The following COL25A1 variants were observed in gnomAD, a reference collection of about 807,000 sequenced individuals.
COL25A1 encodes the protein collagen alpha-1(XXV) chain.
In COL25A1, 103 loss-of-function variants were observed where a neutral mutation model predicts 128.4. The ratio of observed to expected loss-of-function variants is 0.80; its 90% CI spans 0.68 to 0.94. The LOEUF (loss-of-function observed/expected upper bound fraction) is 0.94, where lower values mean the gene tolerates loss of function less well. COL25A1 is among the 40% of genes least tolerant of loss of function. The pLI is 0.00. For missense variants in COL25A1, 745 were observed against 840.0 expected (o/e 0.89, Z 1.40); for synonymous variants, 279 against 277.2 (o/e 1.01, Z -0.06).
intron 16 of COL25A1, among the ~76,000 whole-genome samples, chr4:108,893,002 T>C (rs1254165874): frequency 6.6e-6 from 1 of 152,020 alleles, no homozygotes; most frequent in African/African-American, 2.4e-5. Context: ...CCAATTAGGG[T>C]GGGATAGGCC....
intron 5 of COL25A1, among the ~76,000 whole-genome samples, chr4:109,038,131 T>A (rs1003974123): frequency 1.3e-5 from 2 of 152,196 alleles, no homozygotes; most frequent in African/African-American, 4.8e-5. Flanking sequence ...GTTAATGTGA[T>A]GTGTCAACTT....
intron 6 of COL25A1, among the ~76,000 whole-genome samples, chr4:108,985,394 C>G (rs1009183809): frequency 1.3e-5 from 2 of 152,188 alleles, no homozygotes; most frequent in Non-Finnish European, 2.9e-5. Context: ...GCCCATTACT[C>G]CCTCATTTTA....
chr4:109,231,421 G>T (rs1227345201), intron 3 of COL25A1, among the ~76,000 whole-genome samples: 1 of 152,112 alleles, frequency 6.6e-6, no homozygotes, highest in Non-Finnish European at 1.5e-5. Context: ...GTGACCACCA[G>T]CTCAGTTTAC....
At chr4:109,041,364 C>CA (rs1759876185) in intron 5 of COL25A1, among the ~76,000 whole-genome samples, 3 of 127,236 alleles carry the variant, frequency 2.4e-5, no homozygotes, top group Non-Finnish European at 4.9e-5. Context: ...TTATGTCACC[C>CA]CCTTTTTTAA....
rs181067493 is a variant in COL25A1, at chr4:109,014,533, T to C, written c.421-4158A>G. On this transcript the variant is annotated intron_variant, in intron 5 of 37. Coordinates refer to ENST00000399132, the MANE Select transcript of COL25A1 (RefSeq NM_198721.4). ...TTAATACGTCGCATTCCTGCCATTA[T>C]ACTGACCAAATGATATGGCACAATG... is the stretch of plus-strand genomic sequence containing the variant. 2.0e-5 allele frequency among the ~76,000 whole-genome samples: 3 copies of C among 152,382 alleles called. No individual in the cohort carries two copies. In the East Asian group the frequency reaches 5.8e-4, roughly 29 times the overall value.
intron 3 of COL25A1, among the ~76,000 whole-genome samples, chr4:109,096,434 G>A (rs1765404527): frequency 6.6e-6 from 1 of 152,132 alleles, no homozygotes; most frequent in African/African-American, 2.4e-5. Flanking sequence ...ACCTACCACT[G>A]TGTTACAATT....
At chr4:108,947,461 AAAAG>A (rs1455967483) in intron 8 of COL25A1, among the ~76,000 whole-genome samples, 1 of 151,954 alleles carries the variant, frequency 6.6e-6, no homozygotes, top group Non-Finnish European at 1.5e-5. Context: ...AAGAAAAAGA[AAAAG>A]AAAGAAAAGA....
intron 5 of COL25A1, among the ~76,000 whole-genome samples, chr4:109,030,529 A>G (rs986787447): frequency 1.3e-5 from 2 of 152,198 alleles, no homozygotes; most frequent in African/African-American, 2.4e-5. Context: ...AAAGAGAATT[A>G]TATCTGTGAA....
chr4:109,079,597 A>C (rs767727078), intron 3 of COL25A1, among the ~76,000 whole-genome samples: 18 of 152,144 alleles, frequency 1.2e-4, no homozygotes, highest in Non-Finnish European at 2.5e-4. Context: ...TCAGATAGCT[A>C]AAAAGTGCAC....
rs141594074 is a variant in COL25A1, at chr4:109,210,073, C to T, written c.367+90510G>A. On this transcript the variant is annotated intron_variant, in intron 3 of 37. Transcript: ENST00000399132. ...CTCAAAAAAAAAAAAAAGTAAACATCAAAATTCAGTATATGGTTCTTGTTA... is the reference window on the plus strand; with the variant it reads ...CTCAAAAAAAAAAAAAAGTAAACATTAAAATTCAGTATATGGTTCTTGTTA... Among the ~76,000 whole-genome samples the T allele has an allele frequency of 0.013, 1,941 of 150,246 alleles. 60 individuals carry two copies. In the South Asian group the frequency reaches 0.14, roughly 11 times the overall value.
At chr4:109,061,817 A>G (rs575200298) in intron 3 of COL25A1, among the ~76,000 whole-genome samples, 4 of 152,328 alleles carry the variant, frequency 2.6e-5, no homozygotes, top group African/African-American at 9.6e-5. Context: ...AAACATCATG[A>G]GTAGATTTCT....
intron 18 of COL25A1, among the ~76,000 whole-genome samples, chr4:108,885,181 G>A (rs999326979): frequency 2.0e-5 from 3 of 152,122 alleles, no homozygotes; most frequent in African/African-American, 7.2e-5. Context: ...ACAGTGAAGT[G>A]ACAAAAGAAA....
At chr4:109,139,118 A>C (rs1770126042) in intron 3 of COL25A1, among the ~76,000 whole-genome samples, 1 of 152,044 alleles carries the variant, frequency 6.6e-6, no homozygotes, top group Non-Finnish European at 1.5e-5. Context: ...TAAAAAGAAG[A>C]CATTTGTCTT....
At chr4:109,098,037 G>A (rs888798668) in intron 3 of COL25A1, among the ~76,000 whole-genome samples, 7 of 152,042 alleles carry the variant, frequency 4.6e-5, no homozygotes, top group Non-Finnish European at 7.4e-5. Context: ...GGGATAGATG[G>A]TGTATCAATT....
At chr4:109,026,768 C>T (rs906304823) in intron 5 of COL25A1, among the ~76,000 whole-genome samples, 4 of 152,058 alleles carry the variant, frequency 2.6e-5, no homozygotes, top group East Asian at 1.9e-4. Context: ...TGTTTACAAA[C>T]GGACAGGACA....
chr4:109,264,925 G>GTT (rs1781689618), intron 3 of COL25A1, among the ~76,000 whole-genome samples: 1 of 152,142 alleles, frequency 6.6e-6, no homozygotes, highest in African/African-American at 2.4e-5. Flanking sequence ...GGAAGGAAAT[G>GTT]TTTTCCAACT....
Position 109,193,819 on chromosome 4 carries a change from TAC to T in COL25A1, c.367+106762_367+106763del, listed in dbSNP as rs139450734. Among the ~76,000 whole-genome samples the T allele has an allele frequency of 1.2e-4, 18 of 152,262 alleles. No individual in the cohort carries two copies. The East Asian group carries it at 3.5e-3, about 29-fold the overall frequency. The stretch of plus-strand genomic sequence containing the variant: ...GAAAAGACGTCTTCTACCAGGTTCT[TAC>T]TCAGAACTTGTAGAACCAGCCCTGC... On this transcript the variant is annotated intron_variant, in intron 3 of 37. Coordinates refer to ENST00000399132, the MANE Select transcript of COL25A1 (RefSeq NM_198721.4).
At chr4:109,195,618 C>T (rs1475127319) in intron 3 of COL25A1, among the ~76,000 whole-genome samples, 1 of 152,090 alleles carries the variant, frequency 6.6e-6, no homozygotes, top group African/African-American at 2.4e-5. Flanking sequence ...CATTACTAGA[C>T]TCACCGAAGT....
At chr4:108,892,989 G>A (rs1027349854) in intron 16 of COL25A1, among the ~76,000 whole-genome samples, 1 of 152,184 alleles carries the variant, frequency 6.6e-6, no homozygotes, top group Non-Finnish European at 1.5e-5. Flanking sequence ...GGAAGGCCCG[G>A]CACCAATTAG....
Sources: allele counts gnomAD v4.1 joint callset (sites outside exome capture counted in the v4.1 genomes callset), GRCh38; gene constraint gnomAD v4.1.1; transcripts MANE v1.5; gene names NCBI Gene and HGNC (gene_info 2026-07-23, HGNC 2026-07-21).